The following SLC24A2 variants were observed in gnomAD, a reference collection of about 807,000 sequenced individuals.
SLC24A2 encodes sodium/potassium/calcium exchanger 2.
SLC24A2 carries 36 observed loss-of-function variants against 62.0 expected under a neutral mutation model. The ratio of observed to expected loss-of-function variants is 0.58; its 90% CI spans 0.44 to 0.77. The LOEUF is 0.77. Among genes scored for constraint, SLC24A2 ranks in the 30% least tolerant of loss-of-function variants. SLC24A2 has a pLI of 0.00. For synonymous variants in SLC24A2, 358 were observed against 294.0 expected, an observed-to-expected ratio of 1.22 and a Z score of -2.23; for missense variants, 846 against 817.9, an observed-to-expected ratio of 1.03 and a Z score of -0.42.
At chr9:19,836,169 AG>A in the SLC24A2 span, among the ~76,000 whole-genome samples, 6 of 152,204 alleles carry the variant, frequency 3.9e-5, no homozygotes, top group Admixed American at 3.9e-4. Flanking sequence ...TAAAAGAACT[AG>A]AGAAGCAAGA....
intron 7 of SLC24A2, among the ~76,000 whole-genome samples, chr9:19,562,603 C>A (rs1384959813): frequency 6.6e-6 from 1 of 152,132 alleles, no homozygotes; most frequent in Non-Finnish European, 1.5e-5. Context: ...CATACAGGAA[C>A]TGGACCCCAG....
At chr9:19,680,802 A>T (rs1293053867) in intron 2 of SLC24A2, among the ~76,000 whole-genome samples, 1 of 152,002 alleles carries the variant, frequency 6.6e-6, no homozygotes, top group East Asian at 1.9e-4. Flanking sequence ...TCTAATCAAG[A>T]AATGATCAGA....
the SLC24A2 span, among the ~76,000 whole-genome samples, chr9:20,028,345 C>T: frequency 3.9e-5 from 6 of 152,216 alleles, no homozygotes; most frequent in Non-Finnish European, 8.8e-5. Context: ...GTTCAGCCAG[C>T]ACTCTGCTGC....
At chr9:20,140,239 G>C in the SLC24A2 span, among the ~76,000 whole-genome samples, 1 of 152,174 alleles carries the variant, frequency 6.6e-6, no homozygotes, top group East Asian at 1.9e-4. Flanking sequence ...AGGTGTTCCC[G>C]AGTTTTTGTC....
chr9:20,281,079 G>A, the SLC24A2 span, among the ~76,000 whole-genome samples: 1 of 151,994 alleles, frequency 6.6e-6, no homozygotes. Flanking sequence ...ACAGGCATGA[G>A]ACACCATGCC....
the SLC24A2 span, among the ~76,000 whole-genome samples, chr9:19,995,432 CCA>C: frequency 6.6e-6 from 1 of 151,886 alleles, no homozygotes; most frequent in Non-Finnish European, 1.5e-5. Context: ...AACTTTATTC[CCA>C]GAGTACACTC....
chr9:20,072,900 G>C, the SLC24A2 span, among the ~76,000 whole-genome samples: 1 of 152,094 alleles, frequency 6.6e-6, no homozygotes. Context: ...CAGACCTCCA[G>C]AACTGTAAGA....
At chr9:19,763,913 T>C (rs951921337) in intron 2 of SLC24A2, among the ~76,000 whole-genome samples, 1 of 152,216 alleles carries the variant, frequency 6.6e-6, no homozygotes, top group Admixed American at 6.5e-5. Flanking sequence ...GTACCTCTGG[T>C]AGAATTTGGC....
the SLC24A2 span, among the ~76,000 whole-genome samples, chr9:20,303,054 C>T: frequency 3.0e-4 from 46 of 152,296 alleles, no homozygotes; most frequent in African/African-American, 1.0e-3. Flanking sequence ...CTCTTACCTG[C>T]ATGTGACAAT....
the SLC24A2 span, among the ~76,000 whole-genome samples, chr9:20,245,704 G>A: frequency 5.3e-5 from 8 of 152,122 alleles, no homozygotes; most frequent in East Asian, 1.9e-4. Context: ...TGCAGGGAGC[G>A]ATAAAGTCAC....
the SLC24A2 span, among the ~76,000 whole-genome samples, chr9:20,284,953 T>A: frequency 6.6e-6 from 1 of 152,244 alleles, no homozygotes; most frequent in East Asian, 1.9e-4. Context: ...GAAGCTGCTT[T>A]TTTCTTATGC....
At chr9:20,016,105 A>T in the SLC24A2 span, among the ~76,000 whole-genome samples, 1 of 152,252 alleles carries the variant, frequency 6.6e-6, no homozygotes, top group African/African-American at 2.4e-5. Flanking sequence ...TTTTTGAACT[A>T]TAAGAGGAAT....
At chr9:19,700,366 A>T (rs1466023621) in intron 2 of SLC24A2, among the ~76,000 whole-genome samples, 1 of 152,166 alleles carries the variant, frequency 6.6e-6, no homozygotes, top group Non-Finnish European at 1.5e-5. Flanking sequence ...TCTTACTCTG[A>T]AACAAGGATT....
chr9:19,933,532 G>A, the SLC24A2 span, among the ~76,000 whole-genome samples: 3 of 152,002 alleles, frequency 2.0e-5, no homozygotes, highest in East Asian at 1.9e-4. Flanking sequence ...AGAACGCGCC[G>A]GGGGTGGGCT....
chr9:20,278,396 A>C, the SLC24A2 span, among the ~76,000 whole-genome samples: 27,281 of 152,084 alleles, frequency 0.18, 2,531 homozygotes, highest in Middle Eastern at 0.28. Flanking sequence ...TTTTATGAAC[A>C]ACCAAGACAC....
the SLC24A2 span, among the ~76,000 whole-genome samples, chr9:20,226,512 C>T: frequency 6.6e-6 from 1 of 152,102 alleles, no homozygotes; most frequent in Non-Finnish European, 1.5e-5. Context: ...TGGGTTGTGA[C>T]CCTGAGTAGT....
chr9:19,545,084 T>A (rs1283364532), intron 8 of SLC24A2, among the ~76,000 whole-genome samples: 1 of 152,156 alleles, frequency 6.6e-6, no homozygotes, highest in African/African-American at 2.4e-5. Flanking sequence ...GGATTTGATC[T>A]TTTCACATAG....
chr9:20,121,131 G>C, the SLC24A2 span, among the ~76,000 whole-genome samples: 1 of 145,310 alleles, frequency 6.9e-6, no homozygotes, highest in African/African-American at 2.6e-5. Flanking sequence ...TTTGTATTTA[G>C]AATCACCTCC....
At chr9:19,946,602 G>A in the SLC24A2 span, among the ~76,000 whole-genome samples, 1 of 152,126 alleles carries the variant, frequency 6.6e-6, no homozygotes, top group Non-Finnish European at 1.5e-5. Flanking sequence ...GACAGACCAG[G>A]TCATCTCCTG....
Sources: gnomAD v4.1 joint callset for allele counts (sites outside exome capture counted in the v4.1 genomes callset) on GRCh38, gnomAD v4.1.1 for gene constraint, MANE v1.5 for transcripts, NCBI Gene and HGNC (gene_info 2026-07-23, HGNC 2026-07-21) for gene names.